GPRC5D: variants seen among roughly 807,000 people sequenced by gnomAD.
GPRC5D encodes G protein-coupled receptor class C group 5 member D.
GPRC5D carries 20 observed loss-of-function variants against 29.3 expected under a neutral mutation model. The observed-to-expected ratio is 0.68, with a 90% confidence interval of 0.48 to 0.99. The LOEUF (loss-of-function observed/expected upper bound fraction) is 0.99, where lower values mean the gene tolerates loss of function less well. GPRC5D is among the 50% of genes least tolerant of loss of function. GPRC5D has a pLI of 0.00. For missense variants in GPRC5D, 384 were observed against 423.6 expected (o/e 0.91, Z 0.82); for synonymous variants, 178 against 171.3 (o/e 1.04, Z -0.30).
chr12:12,950,283 G>A (rs933503399), exon 1 of GPRC5D: 9 of 1,613,454 alleles, frequency 5.6e-6, no homozygotes, highest in South Asian at 1.1e-5. Flanking sequence ...TTGTGACCAC[G>A]ATGCCAAGTA....
In GPRC5D at chr12:12,949,477, C is replaced by A; in HGVS notation, c.895+13G>T. The A allele has an allele frequency of 6.2e-7, 1 of 1,601,596 alleles. No individual in the cohort carries two copies. The highest frequency in any genetic ancestry group is 1.1e-5 in the South Asian group (1 of 89,778). On this transcript the variant is annotated intron_variant, in intron 1 of 2. Transcript: ENST00000228887. ...GAGCACCTCCCTGCTCCCTGAATCC[C>A]CCAGGAATGTACCTCTGGAGAGCTC...
rs894591949 is a variant in GPRC5D at position 12,942,275 on chromosome 12, G to A, written c.949C>T (p.Pro317Ser). Residue 317 changes from proline to serine, a missense_variant, in exon 2 of 3, where the codon CCC becomes TCC. By Grantham distance (74) the Pro-to-Ser change is moderately conservative. Transcript: ENST00000228887. ...AGTACATTTACCTGCGGCTGAATGG[G>A]AGTACCATATGAAGTTAATGCTACA... is the stretch of plus-strand genomic sequence containing the variant. 4 of 1,609,132 alleles carry A rather than the reference G, an allele frequency of 2.5e-6. No homozygotes were observed. The African/African-American group carries it at 5.3e-5, about 22-fold the overall frequency.
intron 1 of GPRC5D, among the ~76,000 whole-genome samples, chr12:12,944,824 TC>T (rs1349069763): frequency 8.7e-4 from 16 of 18,290 alleles, no homozygotes; most frequent in East Asian, 1.8e-3. Flanking sequence ...CTTCCTTCCT[TC>T]CTTCCTTCCT....
At chr12:12,944,838 CTTCCTTCCTTCCTTCT>C (rs1863251146) in intron 1 of GPRC5D, among the ~76,000 whole-genome samples, 5 of 20,724 alleles carry the variant, frequency 2.4e-4, no homozygotes, top group East Asian at 1.8e-3. Context: ...TCCTTCCTTC[CTTCCTTCCTTCCTTCT>C]TTCTTTCTTT....
chr12:12,940,986 A>T (rs1863130938), intron 2 of GPRC5D, 137 bp from the exon 4 acceptor site: 1 of 575,432 alleles, frequency 1.7e-6, no homozygotes, highest in African/African-American at 1.9e-5. Context: ...ATCTGGGCTC[A>T]CTGCAAACTC....
intron 2 of GPRC5D, among the ~76,000 whole-genome samples, 191 bp from the exon 4 acceptor site, chr12:12,941,040 T>C (rs1180337117): frequency 6.6e-6 from 1 of 152,152 alleles, no homozygotes; most frequent in Admixed American, 6.5e-5. Context: ...GCCTTCTGAG[T>C]AACTGAAATT....
exon 1 of GPRC5D, chr12:12,950,131 T>C (rs376087510): frequency 3.1e-5 from 50 of 1,614,054 alleles, no homozygotes; most frequent in South Asian, 1.5e-4. Flanking sequence ...AGTTTGTTGA[T>C]TGAGCTCGAT....
rs976983332 is a variant in GPRC5D, at chr12:12,940,864, A to G, written c.964-15T>C. 6.5e-7 allele frequency: 1 copy of G among 1,529,368 alleles called. No individual in the cohort carries two copies. Among genetic ancestry groups the G allele is most frequent in the Non-Finnish European group, 9.1e-7 (1 of 1,102,634 alleles). 94.7% of individuals were successfully genotyped at this position (1,529,368 alleles called of 1,614,324 possible). A position where few individuals can be genotyped will look rare whatever the true frequency, so the allele number is the denominator to read the frequency against. On this transcript the variant is annotated splice_polypyrimidine_tract_variant and intron_variant, in intron 2 of 2. Coordinates refer to ENST00000228887, the Ensembl canonical transcript of GPRC5D. ...GGATCAACAGTCTGGAAAGGAAGAA[A>G]TGCCATCATCAACTTTCTGAGCAAC...
chr12:12,950,923 G>C (rs934804361), upstream of GPRC5D, among the ~76,000 whole-genome samples: 34 of 151,938 alleles, frequency 2.2e-4, no homozygotes, highest in Admixed American at 1.6e-3. Flanking sequence ...TGGCCAACAT[G>C]GTGAAACCCC....
chr12:12,944,759 T>C (rs1863232692), intron 1 of GPRC5D, among the ~76,000 whole-genome samples: 1 of 39,182 alleles, frequency 2.6e-5, no homozygotes, highest in African/African-American at 4.8e-5. Context: ...CTTCCTTCCT[T>C]TCTTCCTTCC....
At chr12:12,945,882 C>T (rs942690179) in intron 1 of GPRC5D, among the ~76,000 whole-genome samples, 2 of 152,148 alleles carry the variant, frequency 1.3e-5, no homozygotes, top group African/African-American at 4.8e-5. Context: ...TTTTAAAAGT[C>T]CAATCAATAT....
At chr12:12,942,240 A>T (rs1177905763) in intron 2 of GPRC5D, 21 bp downstream of exon 3, 7 of 1,512,972 alleles carry the variant, frequency 4.6e-6, no homozygotes, top group African/African-American at 2.7e-5. Flanking sequence ...CTCCTGGGTG[A>T]ATATAGGCGA....
chr12:12,950,922 T>C (rs2136507276), upstream of GPRC5D, among the ~76,000 whole-genome samples: 1 of 152,124 alleles, frequency 6.6e-6, no homozygotes, highest in East Asian at 1.9e-4. Context: ...CTGGCCAACA[T>C]GGTGAAACCC....
chr12:12,942,183 GAAAT>G, intron 2 of GPRC5D, 74 bp downstream of exon 3: 1 of 924,110 alleles, frequency 1.1e-6, no homozygotes, highest in Non-Finnish European at 1.8e-6. Context: ...AAAGCCATTA[GAAAT>G]GAAGCCTGAG....
intron 2 of GPRC5D, among the ~76,000 whole-genome samples, chr12:12,941,630 T>TC (rs1165540643): frequency 6.6e-6 from 1 of 152,204 alleles, no homozygotes; most frequent in Non-Finnish European, 1.5e-5. Flanking sequence ...AAGAATTGTG[T>TC]CCCAGTGTGA....
chr12:12,950,790 G>C (rs1487510051), upstream of GPRC5D, among the ~76,000 whole-genome samples: 1 of 151,912 alleles, frequency 6.6e-6, no homozygotes, highest in Non-Finnish European at 1.5e-5. Context: ...CTGGGTGACA[G>C]AGTGAGACTC....
exon 1 of GPRC5D, chr12:12,950,171 C>G: frequency 2.5e-6 from 4 of 1,613,926 alleles, no homozygotes; most frequent in Non-Finnish European, 3.4e-6. Flanking sequence ...CCGAAGAGCC[C>G]CAGGACACTC....
chr12:12,950,079 G>C (rs751839476), exon 1 of GPRC5D: 1 of 1,614,042 alleles, frequency 6.2e-7, no homozygotes, highest in Non-Finnish European at 8.5e-7. Flanking sequence ...ATGAGAAACA[G>C]AGAGCAAAGA....
At position 12,950,331 on chromosome 12, in the gene GPRC5D, G is replaced by A. The variant is rs139105748; in HGVS notation, c.54C>T (p.Ala18=). Residue 18 remains alanine (A), a synonymous_variant, in exon 1 of 3, where the codon GCC becomes GCT. Transcript: ENST00000228887. ...CCAGAATGATGCCCCATGGCCCCTC[G>A]GCGTCACAGAGAAGAAAATAGTCTC... The A allele has an allele frequency of 5.1e-5, 83 of 1,612,566 alleles. No individual in the cohort carries two copies. The African/African-American group carries it at 9.7e-4, about 19-fold the overall frequency.
Sources: allele counts gnomAD v4.1 joint callset (sites outside exome capture counted in the v4.1 genomes callset), GRCh38; gene constraint gnomAD v4.1.1; transcripts MANE v1.5; gene names NCBI Gene and HGNC (gene_info 2026-07-23, HGNC 2026-07-21).